HMCN1: variants seen among roughly 807,000 people sequenced by gnomAD.
The protein encoded by HMCN1 is hemicentin 1.
A neutral mutation model predicts 625.9 loss-of-function variants in HMCN1; 321 were observed. The ratio of observed to expected loss-of-function variants is 0.51; its 90% CI spans 0.47 to 0.56. The LOEUF is 0.56. Ranked by LOEUF, HMCN1 falls within the 20% of genes least tolerant of loss-of-function variation. The pLI is 0.00. For missense variants in HMCN1, 6,588 were observed against 6,887.3 expected, an observed-to-expected ratio of 0.96 and a Z score of 1.54; for synonymous variants, 2,425 against 2,417.6, an observed-to-expected ratio of 1.00 and a Z score of -0.09.
intron 11 of HMCN1, among the ~76,000 whole-genome samples, chr1:185,949,019 A>C (rs1201076573): frequency 2.6e-5 from 4 of 151,872 alleles, no homozygotes; most frequent in African/African-American, 9.7e-5. Flanking sequence ...TAAATGGAAT[A>C]ACAGAAGGAG....
intron 103 of HMCN1, chr1:186,177,222 C>T (rs1652648397): frequency 6.6e-6 from 1 of 152,062 alleles, no homozygotes; most frequent in Non-Finnish European, 1.5e-5. Flanking sequence ...AGGAGAATCC[C>T]TTGAACCCAG....
chr1:186,028,664 C>A lies in HMCN1; in HGVS notation c.5749+5511C>A, dbSNP rs142902137. Among the ~76,000 whole-genome samples the A allele has an allele frequency of 3.6e-3, 555 of 152,076 alleles. 4 individuals carry two copies. The highest frequency in any genetic ancestry group is 0.013 in the African/African-American group (523 of 41,480). On this transcript the variant is annotated intron_variant, in intron 36 of 106. Coordinates refer to ENST00000271588, the MANE Select transcript of HMCN1 (RefSeq NM_031935.3). ...ACCCAAAGAGCTTCTCTGTACAAGGCCTTTAGTCATTAGCTTTCCTCTTTT... is the reference window on the plus strand; with the variant it reads ...ACCCAAAGAGCTTCTCTGTACAAGGACTTTAGTCATTAGCTTTCCTCTTTT...
At chr1:186,134,306 G>A (rs1054635778) in intron 86 of HMCN1, among the ~76,000 whole-genome samples, 2 of 152,100 alleles carry the variant, frequency 1.3e-5, no homozygotes, top group South Asian at 4.2e-4. Context: ...TCTAAATTAA[G>A]GTTCTGAGTT....
Position 186,103,465 on chromosome 1 carries a change from T to A in HMCN1, c.10574-7T>A. ...GTTTATTATTATTTTTGATTCCCTTTAAATAGAACCACCTCACATTAATGG... is the reference window on the plus strand; with the variant it reads ...GTTTATTATTATTTTTGATTCCCTTAAAATAGAACCACCTCACATTAATGG... On this transcript the variant is annotated splice_region_variant and splice_polypyrimidine_tract_variant and intron_variant, in intron 68 of 106. Coordinates refer to ENST00000271588, the MANE Select transcript of HMCN1 (RefSeq NM_031935.3). 1 of 1,609,990 alleles carries A rather than the reference T, an allele frequency of 6.2e-7. No individual in the cohort carries two copies. The highest frequency in any genetic ancestry group is 8.5e-7 in the Non-Finnish European group (1 of 1,176,388).
intron 18 of HMCN1, among the ~76,000 whole-genome samples, chr1:185,983,527 C>T (rs1353291610): frequency 9.9e-5 from 15 of 152,124 alleles, no homozygotes; most frequent in Admixed American, 8.5e-4. Context: ...AATTAGCAAA[C>T]CTCACTTAAA....
chr1:185,957,966 GA>G (rs1193168157), intron 11 of HMCN1, among the ~76,000 whole-genome samples: 3 of 151,660 alleles, frequency 2.0e-5, no homozygotes, highest in African/African-American at 7.3e-5. Flanking sequence ...TAAAACAGAG[GA>G]AAAAAATCTA....
chr1:185,811,806 A>T (rs1274771389), intron 1 of HMCN1, among the ~76,000 whole-genome samples: 1 of 152,086 alleles, frequency 6.6e-6, no homozygotes, highest in Admixed American at 6.6e-5. Context: ...ATTAAATGAA[A>T]TGCTGAACAT....
At chr1:185,845,291 C>G (rs901461232) in intron 1 of HMCN1, among the ~76,000 whole-genome samples, 10 of 152,094 alleles carry the variant, frequency 6.6e-5, no homozygotes, top group African/African-American at 2.4e-4. Flanking sequence ...GAACTCGGCT[C>G]ACTGCAACCT....
chr1:186,015,854 G>C, intron 31 of HMCN1, 104 bp from the exon 32 acceptor site: 2 of 1,103,680 alleles, frequency 1.8e-6, no homozygotes, highest in Non-Finnish European at 2.7e-6. Flanking sequence ...AGATTTTAAT[G>C]GTCAAACTTT....
chr1:186,041,700 T>C (rs956343701), intron 40 of HMCN1, among the ~76,000 whole-genome samples: 3 of 152,174 alleles, frequency 2.0e-5, no homozygotes, highest in Admixed American at 2.0e-4. Context: ...AGTTGGGGCC[T>C]CTTGATCTCC....
At chr1:185,849,934 A>G (rs1337891864) in intron 2 of HMCN1, among the ~76,000 whole-genome samples, 2 of 152,048 alleles carry the variant, frequency 1.3e-5, no homozygotes, top group African/African-American at 4.8e-5. Flanking sequence ...AATATAGCAA[A>G]AATTCTTTGC....
At chr1:185,828,712 A>T (rs1660673931) in intron 1 of HMCN1, among the ~76,000 whole-genome samples, 1 of 152,110 alleles carries the variant, frequency 6.6e-6, no homozygotes, top group Non-Finnish European at 1.5e-5. Context: ...GAAATTAATA[A>T]CAAGGGAGGT....
At chr1:185,842,400 A>C (rs549407933) in intron 1 of HMCN1, among the ~76,000 whole-genome samples, 21 of 152,234 alleles carry the variant, frequency 1.4e-4, no homozygotes, top group African/African-American at 4.3e-4. Flanking sequence ...TGTCTCCAAA[A>C]AATATGAAAA....
At chr1:185,949,049 C>T (rs1668503239) in intron 11 of HMCN1, among the ~76,000 whole-genome samples, 1 of 151,750 alleles carries the variant, frequency 6.6e-6, no homozygotes, top group African/African-American at 2.4e-5. Flanking sequence ...TATAAAAGGT[C>T]TAAGAATTGG....
intron 72 of HMCN1, 73 bp from the exon 73 acceptor site, chr1:186,113,906 A>C (rs1661004517): frequency 1.3e-6 from 2 of 1,510,892 alleles, no homozygotes; most frequent in African/African-American, 1.4e-5. Flanking sequence ...ATCTTATATT[A>C]CATCTTCAGG....
At chr1:185,780,030 A>C (rs946927303) in intron 1 of HMCN1, among the ~76,000 whole-genome samples, 1 of 152,044 alleles carries the variant, frequency 6.6e-6, no homozygotes, top group African/African-American at 2.4e-5. Context: ...CATTGAGCAG[A>C]GGTTTGTAGT....
chr1:186,082,391 G>A (rs1469439583), intron 56 of HMCN1, among the ~76,000 whole-genome samples: 2 of 152,148 alleles, frequency 1.3e-5, no homozygotes, highest in African/African-American at 2.4e-5. Context: ...TCCTCCCCAA[G>A]TGATCTCTAC....
intron 89 of HMCN1, among the ~76,000 whole-genome samples, chr1:186,140,365 G>A (rs1317667232): frequency 2.6e-5 from 4 of 152,098 alleles, no homozygotes; most frequent in Non-Finnish European, 5.9e-5. Flanking sequence ...TACAGGCCAA[G>A]TATTTTAGAG....
intron 68 of HMCN1, among the ~76,000 whole-genome samples, chr1:186,102,339 C>T (rs190928486): frequency 1.1e-4 from 16 of 152,188 alleles, no homozygotes; most frequent in African/African-American, 3.9e-4. Flanking sequence ...TATTATCTTT[C>T]TCCAGAAGGA....
Sources: allele counts gnomAD v4.1 joint callset (sites outside exome capture counted in the v4.1 genomes callset), GRCh38; gene constraint gnomAD v4.1.1; transcripts MANE v1.5; gene names NCBI Gene and HGNC (gene_info 2026-07-23, HGNC 2026-07-21).